The following CES5A variants were observed in gnomAD, a reference collection of about 807,000 sequenced individuals.
The protein encoded by CES5A is carboxylesterase 5A.
A neutral mutation model predicts 62.9 loss-of-function variants in CES5A; 67 were observed. The ratio of observed to expected loss-of-function variants is 1.07; its 90% CI spans 0.88 to 1.31. The LOEUF is 1.31. Among genes scored for constraint, CES5A ranks in the 50% most tolerant of loss-of-function variants. CES5A has a pLI of 0.00. For synonymous variants in CES5A, 296 were observed against 280.8 expected (o/e 1.05, Z -0.54); for missense variants, 748 against 708.5 (o/e 1.06, Z -0.63).
chr16:55,929,302 G>C (rs957852501), upstream of CES5A, among the ~76,000 whole-genome samples: 2 of 152,202 alleles, frequency 1.3e-5, no homozygotes, highest in Non-Finnish European at 2.9e-5. Flanking sequence ...CGCTTGGCTC[G>C]CAAGCCTGGC....
At chr16:55,910,909 G>C (rs1057283090) in intron 1 of CES5A, among the ~76,000 whole-genome samples, 7 of 152,108 alleles carry the variant, frequency 4.6e-5, no homozygotes, top group Admixed American at 4.6e-4. Flanking sequence ...GGTCTGATGG[G>C]TGTCAGGATA....
Position 55,873,822 on chromosome 16 carries a change from C to G in CES5A, c.278+11G>C. 1 of 1,609,276 alleles carries G rather than the reference C, an allele frequency of 6.2e-7. No individual in the cohort carries two copies. Among genetic ancestry groups the G allele is most frequent in the Non-Finnish European group, 8.5e-7 (1 of 1,177,300 alleles). The stretch of plus-strand genomic sequence containing the variant: ...GTCACAAACCACCCGTGGGCCCGAA[C>G]CTGGTCTTACAAATTAGGGTAGGAG... On this transcript the variant is annotated intron_variant, in intron 2 of 12. Coordinates refer to ENST00000290567, the MANE Select transcript of CES5A (RefSeq NM_001143685.2).
At chr16:55,911,880 A>G (rs2034096959) in intron 1 of CES5A, among the ~76,000 whole-genome samples, 2 of 152,182 alleles carry the variant, frequency 1.3e-5, no homozygotes, top group Non-Finnish European at 2.9e-5. Context: ...GCCCAGACCC[A>G]GACCAGTGCC....
intron 1 of CES5A, among the ~76,000 whole-genome samples, chr16:55,892,901 A>G (rs1439759174): frequency 6.6e-6 from 1 of 152,202 alleles, no homozygotes; most frequent in East Asian, 1.9e-4. Flanking sequence ...TGCCAAGTTA[A>G]GGTCAAAAAT....
intron 4 of CES5A, among the ~76,000 whole-genome samples, chr16:55,869,242 C>A (rs1256576612): frequency 6.6e-6 from 1 of 152,136 alleles, no homozygotes; most frequent in Non-Finnish European, 1.5e-5. Context: ...CCAGGAGACC[C>A]TCCATTGCAT....
At chr16:55,895,734 G>A (rs761936162) in intron 1 of CES5A, among the ~76,000 whole-genome samples, 4 of 152,186 alleles carry the variant, frequency 2.6e-5, no homozygotes, top group East Asian at 3.8e-4. Context: ...TATTTTACAC[G>A]TGAGAAGAAC....
chr16:55,861,487 G>A lies in CES5A; in HGVS notation c.840C>T (p.Asn280=), dbSNP rs145972420. Reference sequence around the variant, plus strand: ...GCAGGGCCTCAGAGTCTGACGCATTGTTACCACAGAAATGTGCAACCACCT... The same window carrying A: ...GCAGGGCCTCAGAGTCTGACGCATTATTACCACAGAAATGTGCAACCACCT... ...DLQVVAHFCG[N]NASDSEALLR... is the part of the protein sequence containing the mutation. Residue 280 remains asparagine (N), a synonymous_variant, in exon 7 of 13, where the codon AAC becomes AAT. Transcript: ENST00000290567. 2 of 1,613,644 alleles carry A rather than the reference G, an allele frequency of 1.2e-6. No individual in the cohort carries two copies. The highest frequency in any genetic ancestry group is 1.6e-4 in the Middle Eastern group (1 of 6,062).
intron 2 of CES5A, among the ~76,000 whole-genome samples, chr16:55,943,354 C>T (rs1432111459): frequency 6.6e-6 from 1 of 152,180 alleles, no homozygotes; most frequent in African/African-American, 2.4e-5. Context: ...CCCAAGGTCA[C>T]ACACAGAGCA....
In CES5A at chr16:55,846,407, T is replaced by C; in HGVS notation, c.*44A>G. 2.1e-6 allele frequency: 3 copies of C among 1,453,462 alleles called. No individual in the cohort carries two copies. Among genetic ancestry groups the C allele is most frequent in the Non-Finnish European group, 2.9e-6 (3 of 1,039,680 alleles). The allele number at this position is 1,453,462 out of a possible 1,614,324, so 90.0% of individuals were successfully genotyped here. ...AAGAAGCTAATGATTGCGGGAGAAA[T>C]TATGGGAGGAGAAGGGAAACCAAAA... On this transcript the variant is annotated 3_prime_UTR_variant, in exon 13 of 13. Coordinates refer to ENST00000290567, the MANE Select transcript of CES5A (RefSeq NM_001143685.2).
intron 8 of CES5A, among the ~76,000 whole-genome samples, chr16:55,857,155 C>T (rs549182723): frequency 1.3e-5 from 2 of 152,292 alleles, no homozygotes; most frequent in East Asian, 3.9e-4. Flanking sequence ...GCTGAAAACA[C>T]AGGCTCCCTG....
In CES5A at chr16:55,852,969, G is replaced by A; in HGVS notation, c.1185C>T (p.Ser395=). ...VANEYFHDKH[S]LTEIRDSLLD... ...GAAGACTGTCTCGGATTTCAGTCAGGGAGTGCTTGTCATGGAAGTATTCAT... is the reference window on the plus strand; with the variant it reads ...GAAGACTGTCTCGGATTTCAGTCAGAGAGTGCTTGTCATGGAAGTATTCAT... Residue 395 remains serine, a synonymous_variant, in exon 10 of 13, where the codon TCC becomes TCT. Transcript: ENST00000290567. 6.2e-7 allele frequency: 1 copy of A among 1,614,158 alleles called. No individual in the cohort carries two copies. The highest frequency in any genetic ancestry group is 8.5e-7 in the Non-Finnish European group (1 of 1,180,016).
chr16:55,911,758 A>G (rs1291331827), intron 1 of CES5A, among the ~76,000 whole-genome samples: 1 of 152,144 alleles, frequency 6.6e-6, no homozygotes, highest in Non-Finnish European at 1.5e-5. Context: ...GACTGACCCA[A>G]CTCACATAGA....
At chr16:55,938,069 C>T (rs150907939) in intron 2 of CES5A, among the ~76,000 whole-genome samples, 3 of 152,258 alleles carry the variant, frequency 2.0e-5, no homozygotes, top group South Asian at 2.1e-4. Context: ...CTGAGTTCCA[C>T]GAGTGAATAA....
In CES5A at chr16:55,861,457, C is replaced by A. The variant is rs369679321; in HGVS notation, c.870G>T (p.Arg290Ser). ...NNASDSEALL[R>S]CLRTKPSKEL... ...CCTTGGAGGGTTTTGTCCTCAGGCA[C>A]CTCAGCAGGGCCTCAGAGTCTGACG... Residue 290 changes from arginine (R) to serine (S), a missense_variant, in exon 7 of 13, where the codon AGG (arginine) becomes AGT (serine). Transcript: ENST00000290567. 6.2e-7 allele frequency: 1 copy of A among 1,613,958 alleles called. No homozygotes were observed. The highest frequency in any genetic ancestry group is 1.3e-5 in the African/African-American group (1 of 74,934).
chr16:55,872,493 A>G (rs946512190), intron 2 of CES5A, among the ~76,000 whole-genome samples: 1 of 152,192 alleles, frequency 6.6e-6, no homozygotes, highest in Non-Finnish European at 1.5e-5. Context: ...GTGAGCAGCT[A>G]AAAGCCTAAG....
At chr16:55,853,069 C>G in intron 9 of CES5A, 41 bp from the exon 10 acceptor site, 1 of 1,603,946 alleles carries the variant, frequency 6.2e-7, no homozygotes, top group Non-Finnish European at 8.5e-7. Context: ...AGGTCAACCA[C>G]AATGGCCAAC....
At chr16:55,955,989 A>G in exon 1 of CES5A, 2 of 1,297,316 alleles carry the variant, frequency 1.5e-6, no homozygotes, top group Non-Finnish European at 2.1e-6. Flanking sequence ...GCTGATAAAG[A>G]AAAGTCAAAT....
intron 2 of CES5A, among the ~76,000 whole-genome samples, chr16:55,938,815 TACACAC>T (rs1217964818): frequency 1.0e-5 from 1 of 100,184 alleles, no homozygotes; most frequent in Non-Finnish European, 2.0e-5. Context: ...TATATATATA[TACACAC>T]ACATATATAT....
chr16:55,856,277 A>G, intron 9 of CES5A, 100 bp downstream of exon 9: 1 of 971,152 alleles, frequency 1.0e-6, no homozygotes, highest in East Asian at 2.4e-5. Flanking sequence ...TGAGTGAGTG[A>G]GGAGTGTCTG....
Sources: allele counts gnomAD v4.1 joint callset (sites outside exome capture counted in the v4.1 genomes callset), GRCh38; gene constraint gnomAD v4.1.1; transcripts MANE v1.5; gene names NCBI Gene and HGNC (gene_info 2026-07-23, HGNC 2026-07-21).